Variants in TMEM87A observed in about 807,000 individuals in gnomAD.
TMEM87A encodes transmembrane protein 87A, also known as Golgi-pH regulating cation channel.
Under a neutral mutation model 90.0 loss-of-function variants are expected in TMEM87A, and 50 were observed. The ratio of observed to expected loss-of-function variants is 0.56; its 90% confidence interval spans 0.44 to 0.70. The LOEUF is 0.70. Among genes scored for constraint, TMEM87A ranks in the 30% least tolerant of loss-of-function variants. TMEM87A has a pLI of 0.00. For missense variants in TMEM87A, 577 were observed against 660.5 expected (o/e 0.87, Z 1.39); for synonymous variants, 226 against 226.7 (o/e 1.00, Z 0.03).
intron 11 of TMEM87A, among the ~76,000 whole-genome samples, chr15:42,231,564 T>C (rs2140934247): frequency 6.6e-6 from 1 of 152,310 alleles, no homozygotes; most frequent in East Asian, 1.9e-4. Flanking sequence ...AGTTCTAATG[T>C]TTATAAGCCC....
intron 6 of TMEM87A, among the ~76,000 whole-genome samples, chr15:42,253,878 C>T (rs149229174): frequency 1.3e-5 from 2 of 152,214 alleles, no homozygotes; most frequent in Non-Finnish European, 2.9e-5. Context: ...AATATCATTC[C>T]TATTAGCTCC....
At chr15:42,238,003 ATATGTGTGTGTGTGTGTG>A (rs751915019) in intron 8 of TMEM87A, among the ~76,000 whole-genome samples, 20 of 150,726 alleles carry the variant, frequency 1.3e-4, no homozygotes, top group Non-Finnish European at 2.4e-4. Flanking sequence ...GTATATATAT[ATATGTGTGTGTGTGTGTG>A]TGTGTGTGTG....
intron 6 of TMEM87A, among the ~76,000 whole-genome samples, chr15:42,245,020 T>A (rs1487151030): frequency 6.6e-6 from 1 of 151,920 alleles, no homozygotes; most frequent in Non-Finnish European, 1.5e-5. Context: ...CCTCAAATGG[T>A]TAAAATATCC....
chr15:42,272,329 AGAG>A (rs1031123717), intron 1 of TMEM87A, among the ~76,000 whole-genome samples: 2 of 150,334 alleles, frequency 1.3e-5, no homozygotes, highest in African/African-American at 5.0e-5. Flanking sequence ...GCAAATAACC[AGAG>A]TTTTATTTTC....
intron 3 of TMEM87A, among the ~76,000 whole-genome samples, chr15:42,267,556 GA>G (rs1485042045): frequency 6.6e-6 from 1 of 152,204 alleles, no homozygotes; most frequent in Non-Finnish European, 1.5e-5. Flanking sequence ...TGTTATGCCA[GA>G]TAGTAAACAA....
rs574511538 is a variant in TMEM87A at position 42,239,071 on chromosome 15, T to C, written c.684+599A>G. ...TGTTAATTTTTTGTTGTTGAGACAG[T>C]TTCACTCTGTCGCCCAGGCTGGAGT... On this transcript the variant is annotated intron_variant, in intron 8 of 19. Transcript: ENST00000389834. Among the ~76,000 whole-genome samples the C allele has an allele frequency of 2.6e-5, 4 of 152,260 alleles. No individual in the cohort carries two copies. In the East Asian group the frequency reaches 5.8e-4, roughly 22 times the overall value.
At position 42,268,046 on chromosome 15, in the gene TMEM87A, A is replaced by G; in HGVS notation, c.206-14T>C. ...GTTCTCCATCAACTACAAAAGAAGA[A>G]ATCTTTGTTAACAAAAGATAATTCC... On this transcript the variant is annotated splice_polypyrimidine_tract_variant and intron_variant, in intron 2 of 19. Coordinates refer to ENST00000389834, the MANE Select transcript of TMEM87A (RefSeq NM_015497.5). 1 of 1,602,164 alleles carries G rather than the reference A, an allele frequency of 6.2e-7. No individual in the cohort carries two copies. The highest frequency in any genetic ancestry group is 8.5e-7 in the Non-Finnish European group (1 of 1,170,806).
chr15:42,223,614 T>A (rs1270651844), intron 15 of TMEM87A, among the ~76,000 whole-genome samples: 1 of 152,186 alleles, frequency 6.6e-6, no homozygotes, highest in Admixed American at 6.5e-5. Context: ...CCCTTCCACC[T>A]TCTGTCATGT....
At position 42,264,197 on chromosome 15, in the gene TMEM87A, C is replaced by T; in HGVS notation, c.298G>A (p.Glu100Lys). The T allele has an allele frequency of 6.2e-7, 1 of 1,610,276 alleles. No homozygotes were observed. The highest frequency in any genetic ancestry group is 8.5e-7 in the Non-Finnish European group (1 of 1,177,244). Reference protein sequence around the residue: ...YNEIYNFKAEEVELYLEKLKE... With the variant: ...YNEIYNFKAEKVELYLEKLKE... ...AGTTTTTCCAAATACAACTCTACTT[C>T]TTCTGCCTGGAAAAAGAGATAATAC... is the stretch of plus-strand genomic sequence containing the variant. The change falls in exon 4 of 20, where the codon GAA becomes AAA. Residue 100 changes from glutamate to lysine, a missense_variant. Physicochemically the swap from Glu to Lys is moderately conservative, Grantham distance 56. Transcript: ENST00000389834.
chr15:42,270,823 A>T (rs1184748317), intron 2 of TMEM87A, among the ~76,000 whole-genome samples: 3 of 152,208 alleles, frequency 2.0e-5, no homozygotes, highest in Admixed American at 1.3e-4. Context: ...TTACATATTC[A>T]TGGATACAGT....
chr15:42,230,083 T>C (rs547350159), intron 12 of TMEM87A, among the ~76,000 whole-genome samples: 1 of 152,304 alleles, frequency 6.6e-6, no homozygotes, highest in South Asian at 2.1e-4. Flanking sequence ...CATCTCAGCC[T>C]CCCAAAGTGC....
At chr15:42,239,624 C>G (rs1274220438) in intron 8 of TMEM87A, 46 bp downstream of exon 8, 1 of 1,514,880 alleles carries the variant, frequency 6.6e-7, no homozygotes, top group South Asian at 1.1e-5. Flanking sequence ...AATCTTTGAA[C>G]CCAAAACCAT....
chr15:42,225,119 T>C (rs572022687), intron 15 of TMEM87A, among the ~76,000 whole-genome samples: 78 of 152,224 alleles, frequency 5.1e-4, no homozygotes, highest in Admixed American at 6.5e-4. Context: ...TAAACACATA[T>C]AAAGTGCATA....
At chr15:42,214,060 C>G (rs750615719) in intron 19 of TMEM87A, among the ~76,000 whole-genome samples, 2 of 151,792 alleles carry the variant, frequency 1.3e-5, no homozygotes, top group Admixed American at 1.3e-4. Context: ...TAACCTAGAA[C>G]AAAATATATA....
chr15:42,245,226 T>G (rs1398945916), intron 6 of TMEM87A, among the ~76,000 whole-genome samples: 2 of 152,174 alleles, frequency 1.3e-5, no homozygotes, highest in African/African-American at 2.4e-5. Flanking sequence ...AACCAATTTG[T>G]GAGAAAACTT....
At chr15:42,256,009 A>C (rs1380171814) in intron 6 of TMEM87A, among the ~76,000 whole-genome samples, 1 of 149,272 alleles carries the variant, frequency 6.7e-6, no homozygotes, top group Non-Finnish European at 1.5e-5. Flanking sequence ...CGAACTCCTG[A>C]CATCAGGTGA....
At chr15:42,267,622 A>C (rs2051431593) in intron 3 of TMEM87A, among the ~76,000 whole-genome samples, 1 of 152,242 alleles carries the variant, frequency 6.6e-6, no homozygotes, top group African/African-American at 2.4e-5. Context: ...TGGGAAAAAC[A>C]GTTATTTATA....
intron 3 of TMEM87A, among the ~76,000 whole-genome samples, chr15:42,266,671 C>A (rs533574678): frequency 1.3e-5 from 2 of 152,216 alleles, no homozygotes; most frequent in Non-Finnish European, 2.9e-5. Flanking sequence ...TAGTCACAAA[C>A]TGGCAGTTTT....
rs1162316067 is a variant in TMEM87A at position 42,261,252 on chromosome 15, A to G, written c.406-3T>C. 4 of 1,612,590 alleles carry G rather than the reference A, an allele frequency of 2.5e-6. No homozygotes were observed. The highest frequency in any genetic ancestry group is 1.1e-5 in the South Asian group (1 of 90,836). ...TGCATAAAATCTCCAGAAAAGGTCT[A>G]TAAAAGAAACACAAAACAAAACATT... is the stretch of plus-strand genomic sequence containing the variant. On this transcript the variant is annotated splice_polypyrimidine_tract_variant and splice_region_variant and intron_variant, in intron 4 of 19. Transcript: ENST00000389834.
Sources: gnomAD v4.1 joint callset for allele counts (sites outside exome capture counted in the v4.1 genomes callset) on GRCh38, gnomAD v4.1.1 for gene constraint, MANE v1.5 for transcripts, NCBI Gene and HGNC (gene_info 2026-07-23, HGNC 2026-07-21) for gene names.